Variants in ATXN1 observed in about 807,000 individuals in gnomAD.
ATXN1 encodes the protein ataxin 1.
In ATXN1, 8 loss-of-function variants were observed where a neutral mutation model predicts 56.4. That is an observed-to-expected ratio of 0.14 (90% CI 0.08 to 0.26). ATXN1 has a LOEUF of 0.26. Among genes scored for constraint, ATXN1 ranks in the 10% least tolerant of loss-of-function variants. The pLI, the probability that ATXN1 is intolerant of heterozygous loss-of-function variation, is 1.00. For missense variants in ATXN1, 987 were observed against 1,106.5 expected (o/e 0.89, Z 1.53); for synonymous variants, 514 against 494.6 (o/e 1.04, Z -0.52).
intron 4 of ATXN1, among the ~76,000 whole-genome samples, chr6:16,537,408 G>A (rs1485677256): frequency 6.6e-6 from 1 of 151,966 alleles, no homozygotes; most frequent in African/African-American, 2.4e-5. Flanking sequence ...GGCTGCCTAT[G>A]TATTGGGATG....
At chr6:16,478,352 AT>A (rs1760370071) in intron 6 of ATXN1, among the ~76,000 whole-genome samples, 1 of 152,172 alleles carries the variant, frequency 6.6e-6, no homozygotes, top group Non-Finnish European at 1.5e-5. Context: ...TGCACCTTTA[AT>A]TTGTTAGTTT....
intron 3 of ATXN1, among the ~76,000 whole-genome samples, chr6:16,614,682 GGAGGCT>G (rs1237126461): frequency 6.6e-6 from 1 of 151,690 alleles, no homozygotes; most frequent in Non-Finnish European, 1.5e-5. Context: ...CAGCACTTTG[GGAGGCT>G]GAAGCGGGTG....
intron 2 of ATXN1, among the ~76,000 whole-genome samples, chr6:16,710,287 T>C (rs1383983461): frequency 6.6e-6 from 1 of 152,224 alleles, no homozygotes; most frequent in African/African-American, 2.4e-5. Context: ...GAAACATTCC[T>C]GGCAGAAATT....
At chr6:16,724,654 T>C (rs932056620) in intron 2 of ATXN1, among the ~76,000 whole-genome samples, 2 of 152,206 alleles carry the variant, frequency 1.3e-5, no homozygotes, top group Non-Finnish European at 2.9e-5. Flanking sequence ...ATTAGATAGA[T>C]GCACTGACTT....
chr6:16,464,489 C>A (rs1760061753), intron 6 of ATXN1, among the ~76,000 whole-genome samples: 1 of 152,120 alleles, frequency 6.6e-6, no homozygotes, highest in Non-Finnish European at 1.5e-5. Flanking sequence ...TTGCTCTTCA[C>A]AATAAACCTT....
intron 6 of ATXN1, among the ~76,000 whole-genome samples, chr6:16,468,770 T>C (rs1412007443): frequency 3.3e-5 from 5 of 152,164 alleles, no homozygotes; most frequent in Non-Finnish European, 7.3e-5. Flanking sequence ...ATGGCTGATA[T>C]TGGAAATATT....
chr6:16,650,922 C>T (rs1289801252), intron 3 of ATXN1, among the ~76,000 whole-genome samples: 1 of 152,200 alleles, frequency 6.6e-6, no homozygotes, highest in Non-Finnish European at 1.5e-5. Context: ...TAGAGAGGAG[C>T]TGCCTGATTT....
chr6:16,597,516 G>A (rs1762837090), intron 3 of ATXN1, among the ~76,000 whole-genome samples: 1 of 149,656 alleles, frequency 6.7e-6, no homozygotes, highest in Non-Finnish European at 1.5e-5. Context: ...TTGGCTCACT[G>A]CAGCCTCTAC....
At chr6:16,751,415 A>T (rs1475363178) in intron 2 of ATXN1, among the ~76,000 whole-genome samples, 1 of 152,222 alleles carries the variant, frequency 6.6e-6, no homozygotes, top group African/African-American at 2.4e-5. Flanking sequence ...ATTTTACAAG[A>T]GTATCGTGTC....
intron 5 of ATXN1, among the ~76,000 whole-genome samples, chr6:16,515,942 C>G (rs748831865): frequency 2.0e-5 from 3 of 152,152 alleles, no homozygotes; most frequent in Non-Finnish European, 2.9e-5. Context: ...CCATCTCATT[C>G]AGGAGGAACA....
In ATXN1 at chr6:16,302,287, C is replaced by T. The variant is rs536414446; in HGVS notation, c.*4042G>A. The T allele has an allele frequency of 2.0e-5, 3 of 152,468 alleles. No individual in the cohort carries two copies. Among genetic ancestry groups the T allele is most frequent in the African/African-American group, 7.2e-5 (3 of 41,556 alleles). The allele number at this position is 152,468 out of a possible 1,614,324, so 9.4% of individuals were successfully genotyped here. ...CTTTAGGGGAGAAGGAGGGATGCTG[C>T]CACTTCCTGGTGGGGGGAAAAAACC... is the stretch of plus-strand genomic sequence containing the variant. On this transcript the variant is annotated 3_prime_UTR_variant, in exon 8 of 8. Transcript: ENST00000436367.
At chr6:16,479,019 G>C (rs913160031) in intron 6 of ATXN1, among the ~76,000 whole-genome samples, 1 of 152,204 alleles carries the variant, frequency 6.6e-6, no homozygotes, top group Non-Finnish European at 1.5e-5. Context: ...GTTTAAAAAT[G>C]TATTGAGAAA....
At chr6:16,378,056 G>A (rs1237165659) in intron 6 of ATXN1, among the ~76,000 whole-genome samples, 1 of 152,194 alleles carries the variant, frequency 6.6e-6, no homozygotes, top group Non-Finnish European at 1.5e-5. Context: ...GCAGCCATGG[G>A]GCTCGTTCAT....
intron 6 of ATXN1, among the ~76,000 whole-genome samples, chr6:16,477,888 C>G (rs777819877): frequency 6.6e-6 from 1 of 152,256 alleles, no homozygotes; most frequent in Middle Eastern, 3.4e-3. Flanking sequence ...TAGTAAGTGA[C>G]GTTTTCCTCC....
chr6:16,465,799 T>A (rs1760092460), intron 6 of ATXN1, among the ~76,000 whole-genome samples: 1 of 151,992 alleles, frequency 6.6e-6, no homozygotes, highest in African/African-American at 2.4e-5. Flanking sequence ...CTGGGAAAGC[T>A]CATGATGCAA....
At chr6:16,342,337 T>C (rs1401483486) in intron 6 of ATXN1, among the ~76,000 whole-genome samples, 2 of 152,056 alleles carry the variant, frequency 1.3e-5, no homozygotes, top group Non-Finnish European at 2.9e-5. Flanking sequence ...TTATATTCTT[T>C]TTTTTAAAAA....
chr6:16,348,843 C>T (rs1193453086), intron 6 of ATXN1, among the ~76,000 whole-genome samples: 1 of 152,218 alleles, frequency 6.6e-6, no homozygotes, highest in African/African-American at 2.4e-5. Flanking sequence ...CCAGTTCAAA[C>T]TACCTCCTAT....
intron 6 of ATXN1, among the ~76,000 whole-genome samples, chr6:16,430,733 G>T (rs954097222): frequency 6.6e-6 from 1 of 151,884 alleles, no homozygotes; most frequent in Non-Finnish European, 1.5e-5. Flanking sequence ...GCGCGTGTGT[G>T]TGTGTGTGTA....
intron 2 of ATXN1, among the ~76,000 whole-genome samples, chr6:16,687,545 C>CA (rs2113411302): frequency 6.6e-6 from 1 of 151,488 alleles, no homozygotes; most frequent in East Asian, 1.9e-4. Context: ...AGATTAAACT[C>CA]AGAGTTGTAG....
Sources: gnomAD v4.1 joint callset for allele counts (sites outside exome capture counted in the v4.1 genomes callset) on GRCh38, gnomAD v4.1.1 for gene constraint, MANE v1.5 for transcripts, NCBI Gene and HGNC (gene_info 2026-07-23, HGNC 2026-07-21) for gene names.